The following COL27A1 variants were observed in gnomAD, a reference collection of about 807,000 sequenced individuals.
COL27A1 encodes collagen alpha-1(XXVII) chain.
COL27A1 carries 106 observed loss-of-function variants against 251.3 expected under a neutral mutation model. The observed-to-expected ratio is 0.42, with a 90% CI of 0.36 to 0.50. COL27A1 has a LOEUF of 0.50. Among genes scored for constraint, COL27A1 ranks in the 20% least tolerant of loss-of-function variants. COL27A1 has a pLI of 0.00. For synonymous variants in COL27A1, 1,000 were observed against 986.3 expected, an observed-to-expected ratio of 1.01 and a Z score of -0.26; for missense variants, 2,325 against 2,522.8, an observed-to-expected ratio of 0.92 and a Z score of 1.68.
At chr9:114,309,201 C>G in intron 59 of COL27A1, 59 bp from the exon 60 acceptor site, 1 of 1,426,900 alleles carries the variant, frequency 7.0e-7, no homozygotes, top group East Asian at 2.3e-5. Context: ...GCAGGGAACC[C>G]TCGGTGTGGG....
chr9:114,212,634 G>A (rs1830441142), intron 12 of COL27A1, among the ~76,000 whole-genome samples: 1 of 152,242 alleles, frequency 6.6e-6, no homozygotes, highest in Admixed American at 6.5e-5. Context: ...GGTAAGCGTG[G>A]AAGCTGTGTG....
intron 35 of COL27A1, among the ~76,000 whole-genome samples, chr9:114,269,504 A>C (rs951690111): frequency 1.3e-5 from 2 of 148,462 alleles, no homozygotes; most frequent in Non-Finnish European, 3.0e-5. Flanking sequence ...AGTCCCAGCT[A>C]CTCGGGGGGC....
At chr9:114,228,323 C>T (rs2135418444) in intron 14 of COL27A1, among the ~76,000 whole-genome samples, 1 of 152,366 alleles carries the variant, frequency 6.6e-6, no homozygotes, top group East Asian at 1.9e-4. Context: ...CCCTGCCTGG[C>T]CCCCGGCAGA....
chr9:114,196,074 G>C (rs1162725972), intron 7 of COL27A1, 62 bp downstream of exon 7: 13 of 1,462,412 alleles, frequency 8.9e-6, no homozygotes, highest in Non-Finnish European at 1.2e-5. Context: ...CAGGTCTTCA[G>C]GCAGAAGAGC....
At chr9:114,157,100 A>ACC (rs1564403680) in intron 1 of COL27A1, among the ~76,000 whole-genome samples, 2 of 134,348 alleles carry the variant, frequency 1.5e-5, no homozygotes. Context: ...ACACACACAC[A>ACC]CACATACGCG....
At chr9:114,209,129 G>A (rs1004705086) in intron 10 of COL27A1, among the ~76,000 whole-genome samples, 1 of 152,160 alleles carries the variant, frequency 6.6e-6, no homozygotes, top group African/African-American at 2.4e-5. Flanking sequence ...TGACAATCTG[G>A]GGGGTCCTTG....
At chr9:114,296,431 G>A (rs551679114) in intron 49 of COL27A1, among the ~76,000 whole-genome samples, 4 of 152,272 alleles carry the variant, frequency 2.6e-5, no homozygotes, top group Non-Finnish European at 5.9e-5. Context: ...TATACTGATA[G>A]CAAATAAGCA....
At chr9:114,231,580 C>T (rs558023769) in intron 15 of COL27A1, among the ~76,000 whole-genome samples, 1 of 152,338 alleles carries the variant, frequency 6.6e-6, no homozygotes, top group African/African-American at 2.4e-5. Context: ...CCCTTCCCTC[C>T]CCACCAGTTC....
chr9:114,222,289 G>C (rs766419416), intron 14 of COL27A1, 22 bp downstream of exon 14: 2 of 1,609,870 alleles, frequency 1.2e-6, no homozygotes, highest in Non-Finnish European at 1.7e-6. Context: ...GATGCCTGGG[G>C]CAGCAGGTGG....
chr9:114,260,350 C>T (rs902581144), intron 28 of COL27A1, among the ~76,000 whole-genome samples: 2 of 152,320 alleles, frequency 1.3e-5, no homozygotes, highest in Admixed American at 6.5e-5. Context: ...AGATCGGCCC[C>T]CTGGGTCTCC....
At chr9:114,302,841 G>A (rs1828755711) in intron 56 of COL27A1, among the ~76,000 whole-genome samples, 1 of 151,702 alleles carries the variant, frequency 6.6e-6, no homozygotes, top group Non-Finnish European at 1.5e-5. Flanking sequence ...CAAGCCCTAT[G>A]ACGAGTCCAT....
In COL27A1 at chr9:114,306,418, C is replaced by T. The variant is rs117959584; in HGVS notation, c.4939-102C>T. On this transcript the variant is annotated intron_variant, in intron 57 of 60. Coordinates refer to ENST00000356083, the MANE Select transcript of COL27A1 (RefSeq NM_032888.4). ...CGTGCTCTAGCCATGACCGTGGAAC[C>T]GAGATACCTCCCAGGTTGTGAGAAC... 1,031 of 1,220,438 alleles carry T rather than the reference C, an allele frequency of 8.4e-4. 9 individuals are homozygous for T. In the East Asian group the frequency reaches 0.02, roughly 23 times the overall value. The allele number at this position is 1,220,438 out of a possible 1,614,324, so 75.6% of individuals were successfully genotyped here. A position where few individuals can be genotyped will look rare whatever the true frequency, so the allele number is the denominator to read the frequency against.
intron 6 of COL27A1, among the ~76,000 whole-genome samples, chr9:114,195,493 G>A (rs748628067): frequency 4.6e-5 from 7 of 152,200 alleles, no homozygotes; most frequent in Non-Finnish European, 7.3e-5. Context: ...CGGCACCCAG[G>A]AGCCCAGGCT....
Position 114,252,942 on chromosome 9 carries a change from G to A in COL27A1, c.3141+10G>A. Reference sequence around the variant, plus strand: ...AGAGCCTGGACCCCAGGTAAGCAAAGCCCTCGTGATCCCTAAGCTCAAACC... The same window carrying A: ...AGAGCCTGGACCCCAGGTAAGCAAAACCCTCGTGATCCCTAAGCTCAAACC... On this transcript the variant is annotated intron_variant, in intron 27 of 60. Transcript: ENST00000356083. The A allele has an allele frequency of 6.2e-7, 1 of 1,610,036 alleles. No individual in the cohort carries two copies. The highest frequency in any genetic ancestry group is 1.3e-5 in the African/African-American group (1 of 74,990).
Position 114,290,395 on chromosome 9 carries a change from C to A in COL27A1, c.4368+64C>A. On this transcript the variant is annotated intron_variant, in intron 47 of 60. Coordinates refer to ENST00000356083, the MANE Select transcript of COL27A1 (RefSeq NM_032888.4). This position sits in a 1 kb window ranked among gnomAD's most constrained non-coding sequence, Gnocchi z 4.6. ...TGGGACCAGGTGTAGGGGAACTTCC[C>A]CAGGCCATGGGCCAGAGGAGCCCGT... 1 of 1,398,458 alleles carries A rather than the reference C, an allele frequency of 7.2e-7. No homozygotes were observed. The highest frequency in any genetic ancestry group is 2.5e-5 in the East Asian group (1 of 40,276). The allele number at this position is 1,398,458 out of a possible 1,614,324, so 86.6% of individuals were successfully genotyped here. A position where few individuals can be genotyped will look rare whatever the true frequency, so the allele number is the denominator to read the frequency against.
intron 24 of COL27A1, among the ~76,000 whole-genome samples, chr9:114,249,628 T>C (rs1208894498): frequency 6.6e-6 from 1 of 152,152 alleles, no homozygotes; most frequent in Non-Finnish European, 1.5e-5. Flanking sequence ...GGTAACCCTC[T>C]CATGGTAGTT....
intron 2 of COL27A1, among the ~76,000 whole-genome samples, chr9:114,163,002 G>A (rs911234468): frequency 3.3e-5 from 5 of 152,032 alleles, no homozygotes; most frequent in South Asian, 2.1e-4. Flanking sequence ...TTGGGAGGCC[G>A]AGGTGGGTGG....
intron 12 of COL27A1, among the ~76,000 whole-genome samples, chr9:114,215,847 C>T (rs945850167): frequency 9.9e-5 from 15 of 152,128 alleles, no homozygotes; most frequent in Admixed American, 3.9e-4. Context: ...AACATCTCAC[C>T]GTTTCTTCAG....
chr9:114,192,666 G>A (rs1324207655), intron 5 of COL27A1, among the ~76,000 whole-genome samples: 1 of 152,216 alleles, frequency 6.6e-6, no homozygotes, highest in African/African-American at 2.4e-5. Flanking sequence ...CCCAGGCTGG[G>A]ACTTGGCCTT....
Sources: gnomAD v4.1 joint callset for allele counts (sites outside exome capture counted in the v4.1 genomes callset) on GRCh38, gnomAD v4.1.1 for gene constraint, Gnocchi (gnomAD v3.1) non-coding constraint, MANE v1.5 for transcripts, NCBI Gene and HGNC (gene_info 2026-07-23, HGNC 2026-07-21) for gene names.